The following UGGT2 variants were observed in gnomAD, a reference collection of about 807,000 sequenced individuals.
UGGT2 encodes UDP-glucose:glycoprotein glucosyltransferase 2.
UGGT2 carries 180 observed loss-of-function variants against 192.1 expected under a neutral mutation model. The observed-to-expected ratio is 0.94, with a 90% confidence interval of 0.83 to 1.06. The LOEUF is 1.06. Ranked by LOEUF, UGGT2 falls within the 50% of genes least tolerant of loss-of-function variation. The pLI, the probability that UGGT2 is intolerant of heterozygous loss-of-function variation, is 0.00. For missense variants in UGGT2, 1,849 were observed against 1,795.7 expected, an observed-to-expected ratio of 1.03 and a Z score of -0.54; for synonymous variants, 580 against 591.0, an observed-to-expected ratio of 0.98 and a Z score of 0.27.
At chr13:95,834,885 A>C (rs1213269540) in intron 37 of UGGT2, among the ~76,000 whole-genome samples, 1 of 152,184 alleles carries the variant, frequency 6.6e-6, no homozygotes, top group Non-Finnish European at 1.5e-5. Context: ...GGTACTATCC[A>C]ATACAAATGC....
intron 4 of UGGT2, among the ~76,000 whole-genome samples, chr13:96,022,682 T>C (rs2139116995): frequency 6.6e-6 from 1 of 152,056 alleles, no homozygotes; most frequent in East Asian, 1.9e-4. Flanking sequence ...GTTTTGAATA[T>C]AGGAAGCAAC....
chr13:95,863,580 G>T, intron 31 of UGGT2, 49 bp downstream of exon 31: 1 of 1,468,326 alleles, frequency 6.8e-7, no homozygotes, highest in Non-Finnish European at 9.5e-7. Flanking sequence ...CCACATACTA[G>T]ACTTCTGGAT....
At chr13:95,812,947 C>A (rs549777102) in intron 38 of UGGT2, among the ~76,000 whole-genome samples, 2 of 152,124 alleles carry the variant, frequency 1.3e-5, no homozygotes, top group African/African-American at 2.4e-5. Flanking sequence ...ACATTTTGAT[C>A]GGTGAATTGT....
intron 10 of UGGT2, among the ~76,000 whole-genome samples, chr13:95,979,564 A>C (rs2140844316): frequency 6.6e-6 from 1 of 151,550 alleles, no homozygotes; most frequent in Non-Finnish European, 1.5e-5. Flanking sequence ...AAAAAAAAAT[A>C]CAGACTTGCT....
At chr13:95,857,514 T>A (rs899045602) in intron 33 of UGGT2, among the ~76,000 whole-genome samples, 1 of 152,178 alleles carries the variant, frequency 6.6e-6, no homozygotes, top group African/African-American at 2.4e-5. Context: ...TAAGTATGTA[T>A]AATTTTAGCA....
At chr13:95,959,634 T>C (rs1454964354) in intron 12 of UGGT2, among the ~76,000 whole-genome samples, 1 of 152,160 alleles carries the variant, frequency 6.6e-6, no homozygotes, top group African/African-American at 2.4e-5. Context: ...GCCTGGGCAA[T>C]GGCTGACCCA....
chr13:95,868,394 G>C (rs1890875994), intron 29 of UGGT2, among the ~76,000 whole-genome samples: 1 of 145,148 alleles, frequency 6.9e-6, no homozygotes, highest in East Asian at 2.0e-4. Flanking sequence ...CTAGGAGTTT[G>C]AGACCAGCCT....
chr13:95,836,971 C>G (rs185788680), intron 37 of UGGT2, 115 bp downstream of exon 37: 263 of 872,642 alleles, frequency 3.0e-4, no homozygotes, highest in Non-Finnish European at 4.5e-4. Flanking sequence ...ATAGACTGAA[C>G]AGCAGAAGAA....
rs1337234340 is a variant in UGGT2 at position 95,874,054 on chromosome 13, A to G, written c.3473+3225T>C. Among the ~76,000 whole-genome samples the G allele has an allele frequency of 4.6e-5, 7 of 152,226 alleles. No individual in the cohort carries two copies. The South Asian group carries it at 8.3e-4, about 18-fold the overall frequency. On this transcript the variant is annotated intron_variant, in intron 29 of 38. Coordinates refer to ENST00000376747, the MANE Select transcript of UGGT2 (RefSeq NM_020121.4). ...CTAGCCACTCCAGTACTGGAACTCAATTTGGCTGGGGGTTCTCAAAACAGC... is the reference window on the plus strand; with the variant it reads ...CTAGCCACTCCAGTACTGGAACTCAGTTTGGCTGGGGGTTCTCAAAACAGC...
intron 20 of UGGT2, among the ~76,000 whole-genome samples, chr13:95,916,731 C>T (rs370995804): frequency 1.3e-5 from 2 of 152,156 alleles, no homozygotes; most frequent in East Asian, 3.9e-4. Context: ...AGCTGAAAAA[C>T]ACAACATAAG....
At chr13:95,883,096 T>C (rs568572719) in intron 27 of UGGT2, among the ~76,000 whole-genome samples, 4 of 152,284 alleles carry the variant, frequency 2.6e-5, no homozygotes, top group African/African-American at 9.6e-5. Context: ...AGGTTCTTTT[T>C]TGAGGTGGGT....
intron 37 of UGGT2, among the ~76,000 whole-genome samples, chr13:95,834,235 GTA>G (rs1887037547): frequency 6.9e-6 from 1 of 144,618 alleles, no homozygotes; most frequent in East Asian, 2.0e-4. Context: ...GTGTGTGTGT[GTA>G]TGTGTGTGCT....
intron 5 of UGGT2, among the ~76,000 whole-genome samples, chr13:96,003,357 C>T (rs1020953453): frequency 2.6e-5 from 4 of 152,146 alleles, no homozygotes; most frequent in Admixed American, 6.5e-5. Flanking sequence ...CAGTACTAAG[C>T]ACAGTGCCCA....
rs2052562092 is a variant in UGGT2, at chr13:96,023,073, T to C, written c.452A>G (p.Glu151Gly). The change falls in exon 4 of 39, where the codon GAG (glutamate) becomes GGG (glycine). Residue 151 changes from glutamate (E) to glycine (G), a missense_variant. Glu to Gly is a moderately conservative substitution (Grantham distance 98). Transcript: ENST00000376747. ...AGCTTTCTTCAGCAGCTTTTTAATC[T>C]CATTAATTTTACAGGTGTGCTTCTT... ...IHKKHTCKIN[E>G]IKKLLKKAAS... The C allele has an allele frequency of 1.3e-6, 2 of 1,592,250 alleles. No homozygotes were observed. The highest frequency in any genetic ancestry group is 2.3e-5 in the East Asian group (1 of 44,118).
intron 36 of UGGT2, among the ~76,000 whole-genome samples, chr13:95,837,597 C>T (rs1409603705): frequency 6.6e-6 from 1 of 152,126 alleles, no homozygotes; most frequent in Non-Finnish European, 1.5e-5. Context: ...TTTTCATCTC[C>T]CCATTGGAAA....
chr13:95,817,499 C>T (rs892646140), intron 38 of UGGT2, among the ~76,000 whole-genome samples: 1 of 152,086 alleles, frequency 6.6e-6, no homozygotes, highest in African/African-American at 2.4e-5. Context: ...GGCAGGATTG[C>T]TTGAGCCCAG....
intron 36 of UGGT2, among the ~76,000 whole-genome samples, chr13:95,852,822 G>A (rs1230316470): frequency 2.0e-5 from 3 of 152,164 alleles, no homozygotes; most frequent in Non-Finnish European, 2.9e-5. Flanking sequence ...GGGTGGGGGT[G>A]CACTGGATGA....
chr13:95,848,054 T>A (rs1888651446), intron 36 of UGGT2, among the ~76,000 whole-genome samples: 1 of 152,232 alleles, frequency 6.6e-6, no homozygotes, highest in Non-Finnish European at 1.5e-5. Context: ...CCTGATGATA[T>A]ATGATGTGGA....
intron 17 of UGGT2, among the ~76,000 whole-genome samples, chr13:95,931,906 G>A (rs2049292302): frequency 6.6e-6 from 1 of 152,226 alleles, no homozygotes; most frequent in African/African-American, 2.4e-5. Context: ...GCAGGCTGAA[G>A]GGCTCCTCGA....
Sources: allele counts gnomAD v4.1 joint callset (sites outside exome capture counted in the v4.1 genomes callset), GRCh38; gene constraint gnomAD v4.1.1; transcripts MANE v1.5; gene names NCBI Gene and HGNC (gene_info 2026-07-23, HGNC 2026-07-21).